TBC1D9B: variants seen among roughly 807,000 people sequenced by gnomAD.
TBC1D9B encodes the protein TBC1 domain family, member 9B (with GRAM domain).
Under a neutral mutation model 121.1 loss-of-function variants are expected in TBC1D9B, and 87 were observed. The observed-to-expected ratio is 0.72, with a 90% CI of 0.60 to 0.86. The LOEUF is 0.86. Among genes scored for constraint, TBC1D9B ranks in the 40% least tolerant of loss-of-function variants. The pLI is 0.00. For missense variants in TBC1D9B, 1,540 were observed against 1,628.6 expected (o/e 0.95, Z 0.94); for synonymous variants, 668 against 670.1 (o/e 1.00, Z 0.05).
At chr5:179,893,105 G>A (rs1320397756) in intron 5 of TBC1D9B, 104 bp downstream of exon 5, 6 of 1,470,212 alleles carry the variant, frequency 4.1e-6, no homozygotes, top group Non-Finnish European at 1.8e-6. Context: ...AGGGGTGAAT[G>A]TGGACACCTT....
intron 8 of TBC1D9B, 31 bp from the exon 9 acceptor site, chr5:179,879,228 G>A (rs374270043): frequency 1.3e-6 from 2 of 1,587,146 alleles, no homozygotes; most frequent in Admixed American, 3.5e-5. Flanking sequence ...GGAGCCTGGG[G>A]GCCGAAGCGC....
At position 179,874,259 on chromosome 5, in the gene TBC1D9B, C is replaced by CGTGGG; in HGVS notation, c.2186+642_2186+643insCCCAC. Among the ~76,000 whole-genome samples the CGTGGG allele has an allele frequency of 6.6e-6, 1 of 152,060 alleles. No individual in the cohort carries two copies. The highest frequency in any genetic ancestry group is 2.4e-5 in the African/African-American group (1 of 41,486). On this transcript the variant is annotated intron_variant, in intron 12 of 20. Coordinates refer to ENST00000355235, the MANE Select transcript of TBC1D9B (RefSeq NM_015043.4). The surrounding 1 kb of genome is among the most constrained non-coding windows in gnomAD (Gnocchi z 4.3). ...GGGCAGGGCCAGGTCTGATCAGAGT[C>CGTGGG]ATGGGATGCAGGCAGGTCAAAGACT...
At chr5:179,867,072 A>AT (rs927588832) in intron 18 of TBC1D9B, 1 of 205,288 alleles carries the variant, frequency 4.9e-6, no homozygotes, top group Non-Finnish European at 1.0e-5. Flanking sequence ...GAACATGAAG[A>AT]TTTTTCCTAG....
intron 2 of TBC1D9B, 69 bp from the exon 3 acceptor site, chr5:179,899,376 A>G: frequency 7.2e-7 from 1 of 1,381,972 alleles, no homozygotes; most frequent in East Asian, 2.3e-5. Flanking sequence ...CATTCAAAGA[A>G]GCGAGATGAA....
intron 3 of TBC1D9B, among the ~76,000 whole-genome samples, chr5:179,897,773 G>A (rs1761060168): frequency 1.3e-5 from 2 of 152,250 alleles, no homozygotes; most frequent in African/African-American, 4.8e-5. Flanking sequence ...TTGCTCACCA[G>A]AGTAAAGGCT....
At position 179,894,390 on chromosome 5, in the gene TBC1D9B, C is replaced by T; in HGVS notation, c.573G>A (p.Lys191=). The T allele has an allele frequency of 1.9e-6, 3 of 1,612,046 alleles. No homozygotes were observed. Among genetic ancestry groups the T allele is most frequent in the Non-Finnish European group, 2.5e-6 (3 of 1,179,174 alleles). Residue 191 remains lysine, a synonymous_variant, in exon 4 of 21, where the codon AAG becomes AAA. Transcript: ENST00000355235. Reference sequence around the variant, plus strand: ...CACACTGAGGGGCGGGCTCACCTTCCTTCCCCAGCAGGAAGGAGTAGAAGC... The same window carrying T: ...CACACTGAGGGGCGGGCTCACCTTCTTTCCCCAGCAGGAAGGAGTAGAAGC... The part of the protein sequence containing the change: ...HLCFYSFLLG[K]EVSLVVQWVD...
At chr5:179,868,437 T>A (rs1460259833) in intron 17 of TBC1D9B, 2 of 152,286 alleles carry the variant, frequency 1.3e-5, no homozygotes, top group Non-Finnish European at 2.9e-5. Context: ...CGCCTGGGCC[T>A]CCTACTGCAT....
chr5:179,870,700 G>A (rs1002325851), intron 15 of TBC1D9B: 1 of 763,730 alleles, frequency 1.3e-6, no homozygotes, highest in South Asian at 2.0e-5. Flanking sequence ...GGGGTTGGCT[G>A]AGAGACAGAG....
At chr5:179,895,573 G>A (rs1338762947) in intron 3 of TBC1D9B, among the ~76,000 whole-genome samples, 1 of 152,178 alleles carries the variant, frequency 6.6e-6, no homozygotes, top group Admixed American at 6.5e-5. Flanking sequence ...AGGGCTCAGG[G>A]TGCCCAGAGA....
intron 7 of TBC1D9B, among the ~76,000 whole-genome samples, chr5:179,880,950 C>T (rs992707138): frequency 1.7e-4 from 26 of 152,214 alleles, no homozygotes; most frequent in Non-Finnish European, 1.2e-4. Context: ...GACTAGGACA[C>T]ACACGGGCTC....
intron 7 of TBC1D9B, chr5:179,880,026 G>T: frequency 1.7e-6 from 1 of 584,846 alleles, no homozygotes; most frequent in South Asian, 2.1e-5. Flanking sequence ...TCTCACCAGC[G>T]AGTCAGTCTC....
Position 179,879,150 on chromosome 5 carries a change from C to T in TBC1D9B, c.1464G>A (p.Glu488=), listed in dbSNP as rs1760455120. ...KEESWHIHFF[E]YGRGVCMYRT... ...GGTACATGCACACGCCACGCCCGTA[C>T]TCGAAGAAGTGGATGTGCCATGACT... The change falls in exon 9 of 21, where the codon GAG becomes GAA. Residue 488 remains glutamate, a synonymous_variant. Transcript: ENST00000355235. The T allele has an allele frequency of 6.2e-7, 1 of 1,606,516 alleles. No homozygotes were observed. Among genetic ancestry groups the T allele is most frequent in the Non-Finnish European group, 8.5e-7 (1 of 1,179,618 alleles).
rs879176848 is a variant in TBC1D9B at position 179,874,511 on chromosome 5, G to A, written c.2186+391C>T. Among the ~76,000 whole-genome samples the A allele has an allele frequency of 4.7e-4, 71 of 152,188 alleles. 1 individual carries two copies. The highest frequency in any genetic ancestry group is 4.6e-3 in the Admixed American group (71 of 15,282). On this transcript the variant is annotated intron_variant, in intron 12 of 20. Coordinates refer to ENST00000355235, the MANE Select transcript of TBC1D9B (RefSeq NM_015043.4). This position sits in a 1 kb window ranked among gnomAD's most constrained non-coding sequence, Gnocchi z 4.3. ...GGCCTGCTCCCTCCAGGGCATGGGG[G>A]CTGCAATGCAGCTGAGCTTGGAGAG...
chr5:179,900,456 C>G (rs916628246), intron 2 of TBC1D9B, among the ~76,000 whole-genome samples: 4 of 152,074 alleles, frequency 2.6e-5, no homozygotes, highest in African/African-American at 9.7e-5. Flanking sequence ...GGGGGTGGGA[C>G]AGGAGGCCCA....
At chr5:179,895,293 G>A (rs1263375488) in intron 3 of TBC1D9B, among the ~76,000 whole-genome samples, 6 of 152,340 alleles carry the variant, frequency 3.9e-5, no homozygotes, top group African/African-American at 9.6e-5. Flanking sequence ...GCTCTCTGTA[G>A]TGACTTTCCT....
intron 3 of TBC1D9B, 96 bp from the exon 4 acceptor site, chr5:179,894,710 CCTTGGTCTAAGGGCTACAGG>C: frequency 7.7e-7 from 1 of 1,299,170 alleles, no homozygotes; most frequent in South Asian, 1.4e-5. Flanking sequence ...GACTCATGGA[CCTTGGTCTAAGGGCTACAGG>C]CACAGCTGGG....
At position 179,885,568 on chromosome 5, in the gene TBC1D9B, G is replaced by A; in HGVS notation, c.1254+2535C>T. On this transcript the variant is annotated intron_variant, in intron 7 of 20. Transcript: ENST00000355235. The surrounding 1 kb of genome is among the most constrained non-coding windows in gnomAD (Gnocchi z 4.5). Reference sequence around the variant, plus strand: ...TGCCCCACTGCACTCCAGCCTAGGTGACAGAGCAAGACTCTGTCCCCCCCC... The same window carrying A: ...TGCCCCACTGCACTCCAGCCTAGGTAACAGAGCAAGACTCTGTCCCCCCCC... Among the ~76,000 whole-genome samples the A allele has an allele frequency of 6.7e-6, 1 of 150,354 alleles. No individual in the cohort carries two copies. The highest frequency in any genetic ancestry group is 2.0e-4 in the East Asian group (1 of 5,064).
intron 4 of TBC1D9B, 123 bp downstream of exon 4, chr5:179,894,263 A>G (rs1760954749): frequency 1.7e-5 from 16 of 920,184 alleles, no homozygotes. Context: ...TTGGGCCGCT[A>G]AGGTGGCATT....
chr5:179,869,162 G>A (rs1360271337), intron 17 of TBC1D9B: 3 of 191,868 alleles, frequency 1.6e-5, no homozygotes, highest in Admixed American at 1.2e-4. Flanking sequence ...ACCTGGGGCA[G>A]GTCCAGCCAC....
Sources: allele counts gnomAD v4.1 joint callset (sites outside exome capture counted in the v4.1 genomes callset), GRCh38; gene constraint gnomAD v4.1.1; non-coding constraint Gnocchi (gnomAD v3.1); transcripts MANE v1.5; gene names NCBI Gene and HGNC (gene_info 2026-07-23, HGNC 2026-07-21).